Variants in PSIP1 observed in about 807,000 individuals in gnomAD.
PSIP1 encodes the protein PC4 and SRSF1 interacting protein 1.
PSIP1 carries 19 observed loss-of-function variants against 74.7 expected under a neutral mutation model. That is an observed-to-expected ratio of 0.25 (90% CI 0.18 to 0.37). PSIP1 has a LOEUF of 0.37. Ranked by LOEUF, PSIP1 falls within the 10% of genes least tolerant of loss-of-function variation. The pLI, the probability that PSIP1 is intolerant of heterozygous loss-of-function variation, is 1.00. For synonymous variants in PSIP1, 222 were observed against 195.3 expected (o/e 1.14, Z -1.14); for missense variants, 601 against 614.3 (o/e 0.98, Z 0.23).
At chr9:15,484,828 G>C (rs185795753) in intron 6 of PSIP1, among the ~76,000 whole-genome samples, 2 of 148,072 alleles carry the variant, frequency 1.4e-5, no homozygotes, top group East Asian at 4.1e-4. Context: ...CAAGAGAATT[G>C]TTTGAATTCG....
rs75953528 is a variant in PSIP1 at position 15,490,132 on chromosome 9, A to G, written c.150-8T>C. ...TTTGGTCCTAAAAAAGCACTAAAAA[A>G]GAAGTGGGGAAGATGTGAGTGCAAA... On this transcript the variant is annotated splice_region_variant and splice_polypyrimidine_tract_variant and intron_variant, in intron 3 of 15. Coordinates refer to ENST00000380733, the MANE Select transcript of PSIP1 (RefSeq NM_033222.5). 3.0e-4 allele frequency: 473 copies of G among 1,573,186 alleles called. 5 individuals carry two copies. The East Asian group carries it at 0.011, about 36-fold the overall frequency.
rs1239465994 is a variant in PSIP1 at position 15,466,767 on chromosome 9, C to A, written c.1513G>T (p.Glu505Ter). 1.2e-6 allele frequency: 2 copies of A among 1,611,840 alleles called. No homozygotes were observed. Among genetic ancestry groups the A allele is most frequent in the Admixed American group, 3.4e-5 (2 of 59,302 alleles). ...ESNEDSKDNH[E>*]ASTKKKPSSE... ...CCTCACTTTTTCTTCGTGCTGGCTTCATGGTTGTCTTTGCTGTCTTCATTG... is the reference window on the plus strand; with the variant it reads ...CCTCACTTTTTCTTCGTGCTGGCTTAATGGTTGTCTTTGCTGTCTTCATTG... The change falls in exon 15 of 16, where the codon GAA becomes TAA. Residue 505 changes from glutamate to a stop codon, truncating the protein, a stop_gained. Transcript: ENST00000380733. LOFTEE classifies it high-confidence loss of function.
intron 10 of PSIP1, chr9:15,472,162 A>G (rs1438718731): frequency 1.0e-6 from 1 of 985,514 alleles, no homozygotes; most frequent in Non-Finnish European, 1.2e-6. Flanking sequence ...ACACCCTGTC[A>G]GCCTTTAGAT....
intron 15 of PSIP1, among the ~76,000 whole-genome samples, chr9:15,466,159 C>T (rs1252016820): frequency 1.3e-5 from 2 of 152,160 alleles, no homozygotes; most frequent in Non-Finnish European, 2.9e-5. Flanking sequence ...GGGTGGATCA[C>T]CTGAGGTCAG....
chr9:15,509,760 T>C (rs904959342), intron 2 of PSIP1, among the ~76,000 whole-genome samples: 1 of 152,238 alleles, frequency 6.6e-6, no homozygotes. Context: ...ATTTTGTACT[T>C]GATCCAAAAC....
At chr9:15,495,002 A>G (rs1370973554) in intron 3 of PSIP1, among the ~76,000 whole-genome samples, 1 of 152,132 alleles carries the variant, frequency 6.6e-6, no homozygotes, top group African/African-American at 2.4e-5. Flanking sequence ...AAACCAGAAA[A>G]ACAACAGTAA....
chr9:15,488,865 CA>C (rs1474327355), intron 4 of PSIP1, among the ~76,000 whole-genome samples: 1 of 152,016 alleles, frequency 6.6e-6, no homozygotes, highest in Non-Finnish European at 1.5e-5. Flanking sequence ...ACTAAAAATA[CA>C]AAAAATTAGC....
intron 6 of PSIP1, among the ~76,000 whole-genome samples, chr9:15,484,876 T>C (rs1322171454): frequency 2.1e-5 from 3 of 143,430 alleles, no homozygotes; most frequent in African/African-American, 7.9e-5. Flanking sequence ...TCGCACCACT[T>C]CACACCAACC....
intron 3 of PSIP1, among the ~76,000 whole-genome samples, chr9:15,497,325 C>CTTTTTTTTTTTGTTTTTTTTTT (rs2037124791): frequency 8.4e-6 from 1 of 118,594 alleles, no homozygotes; most frequent in African/African-American, 4.0e-5. Flanking sequence ...TCTATGATTC[C>CTTTTTTTTTTTGTTTTTTTTTT]TTTTTTTTTT....
chr9:15,498,316 T>C (rs1320806208), intron 3 of PSIP1, among the ~76,000 whole-genome samples: 1 of 152,072 alleles, frequency 6.6e-6, no homozygotes, highest in East Asian at 1.9e-4. Flanking sequence ...CTAGGAAGCC[T>C]GAAGCAGGAG....
At chr9:15,509,622 C>G (rs2037758973) in intron 2 of PSIP1, among the ~76,000 whole-genome samples, 1 of 152,196 alleles carries the variant, frequency 6.6e-6, no homozygotes, top group South Asian at 2.1e-4. Context: ...CTGTATTAAA[C>G]AAGCAAATCC....
intron 6 of PSIP1, among the ~76,000 whole-genome samples, chr9:15,484,630 G>A (rs899622042): frequency 3.3e-5 from 5 of 152,098 alleles, no homozygotes; most frequent in African/African-American, 1.2e-4. Context: ...GGGGGGCTGA[G>A]GCAGGAGAAT....
intron 4 of PSIP1, among the ~76,000 whole-genome samples, chr9:15,488,810 A>G (rs2036677955): frequency 6.6e-6 from 1 of 151,926 alleles, no homozygotes; most frequent in African/African-American, 2.4e-5. Context: ...TCACAAGGTC[A>G]GGAGATCGAG....
rs151096584 is a variant in PSIP1 at position 15,483,000 on chromosome 9, T to C, written c.456+3006A>G. ...TTCCCCCTTCCCTTGTTTAGCTTGA[T>C]ACCCTCTTAGATTTTCTCTTGACAG... On this transcript the variant is annotated intron_variant, in intron 6 of 15. Coordinates refer to ENST00000380733, the MANE Select transcript of PSIP1 (RefSeq NM_033222.5). 1.4e-3 allele frequency among the ~76,000 whole-genome samples: 209 copies of C among 152,264 alleles called. 2 individuals carry two copies. Among genetic ancestry groups the C allele is most frequent in the Middle Eastern group, 6.8e-3 (2 of 294 alleles).
intron 3 of PSIP1, among the ~76,000 whole-genome samples, chr9:15,492,566 G>C (rs2132156349): frequency 6.6e-6 from 1 of 152,268 alleles, no homozygotes; most frequent in East Asian, 1.9e-4. Context: ...CTACCATTCT[G>C]GGGTCTGGAG....
intron 6 of PSIP1, 96 bp downstream of exon 6, chr9:15,485,910 C>T (rs945582556): frequency 9.0e-7 from 1 of 1,107,134 alleles, no homozygotes; most frequent in African/African-American, 1.6e-5. Context: ...AGAATAAAAG[C>T]TGAAATTTAA....
At chr9:15,481,637 T>C (rs2036340871) in intron 6 of PSIP1, among the ~76,000 whole-genome samples, 1 of 152,144 alleles carries the variant, frequency 6.6e-6, no homozygotes, top group South Asian at 2.1e-4. Context: ...TGAGCTGACA[T>C]CCTGCTACCA....
intron 10 of PSIP1, chr9:15,472,242 T>C: frequency 6.0e-6 from 6 of 992,304 alleles, no homozygotes; most frequent in Non-Finnish European, 7.2e-6. Flanking sequence ...GGGTGAGGCC[T>C]GCTTGGTGGT....
At chr9:15,508,312 G>GT (rs1199151061) in intron 2 of PSIP1, among the ~76,000 whole-genome samples, 3 of 152,174 alleles carry the variant, frequency 2.0e-5, no homozygotes, top group Non-Finnish European at 2.9e-5. Context: ...AAAAAGGAAT[G>GT]TAACTGTTGG....
Sources: gnomAD v4.1 joint callset for allele counts (sites outside exome capture counted in the v4.1 genomes callset) on GRCh38, gnomAD v4.1.1 for gene constraint, MANE v1.5 for transcripts, NCBI Gene and HGNC (gene_info 2026-07-23, HGNC 2026-07-21) for gene names.